The following MYO9B variants were observed in gnomAD, a reference collection of about 807,000 sequenced individuals.
MYO9B encodes unconventional myosin-IXb.
A neutral mutation model predicts 229.5 loss-of-function variants in MYO9B; 71 were observed. The ratio of observed to expected loss-of-function variants is 0.31; its 90% CI spans 0.26 to 0.38. The LOEUF is 0.38. Among genes scored for constraint, MYO9B ranks in the 10% least tolerant of loss-of-function variants. The pLI, the probability that MYO9B is intolerant of heterozygous loss-of-function variation, is 1.00. For synonymous variants in MYO9B, 1,185 were observed against 1,235.8 expected (o/e 0.96, Z 0.86); for missense variants, 2,255 against 2,920.5 (o/e 0.77, Z 5.25).
At chr19:17,198,016 C>A in intron 23 of MYO9B, 158 bp downstream of exon 23, 1 of 1,307,712 alleles carries the variant, frequency 7.6e-7, no homozygotes, top group Non-Finnish European at 1.0e-6. Flanking sequence ...CTCGCGAGAC[C>A]AGGCCACTGC....
rs1322393867 is a variant in MYO9B at position 17,184,948 on chromosome 19, C to G, written c.2457C>G (p.His819Gln). The G allele has an allele frequency of 6.2e-7, 1 of 1,613,956 alleles. No homozygotes were observed. The highest frequency in any genetic ancestry group is 1.7e-5 in the Admixed American group (1 of 60,020). The change falls in exon 17 of 40, where the codon CAC becomes CAG. Residue 819 changes from histidine to glutamine, a missense_variant. By Grantham distance (24) the His-to-Gln change is conservative. This residue lies in a region of MYO9B where 68 missense variants were observed against 133.5 expected (regional missense o/e 0.51). Transcript: ENST00000682292. Reference sequence around the variant, plus strand: ...CCACCAAGTCCCTACTGCACCTGCACAAGAAGAAAAAGCCACCAAGCATCA... The same window carrying G: ...CCACCAAGTCCCTACTGCACCTGCAGAAGAAGAAAAAGCCACCAAGCATCA... ...DRTTKSLLHL[H>Q]KKKKPPSISA... is the part of the protein sequence containing the mutation.
In MYO9B at chr19:17,206,134, C is replaced by T. The variant is rs374561572; in HGVS notation, c.5239C>T (p.Arg1747Trp). The T allele has an allele frequency of 1.7e-5, 28 of 1,606,704 alleles. No homozygotes were observed. Among genetic ancestry groups the T allele is most frequent in the Non-Finnish European group, 2.0e-5 (24 of 1,175,500 alleles). The change falls in exon 32 of 40, where the codon CGG becomes TGG. Residue 1747 changes from arginine (R) to tryptophan (W), a missense_variant. By Grantham distance (101) the Arg-to-Trp change is moderately radical. Around this residue, in one of 7 missense-constraint regions of MYO9B, gnomAD observed 416 missense variants for 605.5 expected, o/e 0.69. Coordinates refer to ENST00000682292, the MANE Select transcript of MYO9B (RefSeq NM_004145.4). Reference protein sequence around the residue: ...SGAANRTRELRQALQTDPAAV... With the variant: ...SGAANRTRELWQALQTDPAAV... ...TGCTGCCAACCGCACTCGGGAGCTC[C>T]GGCAGGCGCTGCAGACAGGTGGGCG...
At chr19:17,092,669 G>A (rs2057648944) in intron 1 of MYO9B, among the ~76,000 whole-genome samples, 1 of 150,082 alleles carries the variant, frequency 6.7e-6, no homozygotes, top group Non-Finnish European at 1.5e-5. Context: ...AGGTTGCAGT[G>A]AGCTGAGATC....
chr19:17,181,193 A>G (rs1167612769), intron 15 of MYO9B, among the ~76,000 whole-genome samples, 153 bp downstream of exon 15: 1 of 152,206 alleles, frequency 6.6e-6, no homozygotes, highest in Admixed American at 6.5e-5. Context: ...ACTAAATGCC[A>G]ATCAATAACA....
intron 3 of MYO9B, among the ~76,000 whole-genome samples, chr19:17,146,144 T>C (rs949674258): frequency 6.7e-6 from 1 of 150,024 alleles, no homozygotes; most frequent in East Asian, 2.0e-4. Flanking sequence ...AATAGATTCA[T>C]GAATGGGTGG....
At chr19:17,128,834 C>G (rs1385401792) in intron 2 of MYO9B, among the ~76,000 whole-genome samples, 2 of 152,252 alleles carry the variant, frequency 1.3e-5, no homozygotes, top group Non-Finnish European at 1.5e-5. Flanking sequence ...CTCCACCTTA[C>G]CCAGCTAGAA....
intron 10 of MYO9B, among the ~76,000 whole-genome samples, chr19:17,164,072 A>G (rs1023943412): frequency 6.6e-6 from 1 of 152,224 alleles, no homozygotes; most frequent in Admixed American, 6.5e-5. Context: ...TTTCCATAAC[A>G]GCTGCAGCAT....
At chr19:17,121,884 G>A (rs926647032) in intron 2 of MYO9B, among the ~76,000 whole-genome samples, 1 of 152,046 alleles carries the variant, frequency 6.6e-6, no homozygotes, top group Non-Finnish European at 1.5e-5. Context: ...TACTCTGGAG[G>A]CTGAGCCAGG....
intron 2 of MYO9B, among the ~76,000 whole-genome samples, chr19:17,144,969 C>CAAAAAAAAAAAAA (rs58527501): frequency 1.2e-5 from 1 of 83,542 alleles, no homozygotes; most frequent in Non-Finnish European, 2.8e-5. Context: ...GACTTCATCT[C>CAAAAAAAAAAAAA]AAAAAAAAAA....
At chr19:17,124,086 A>C (rs1175297735) in intron 2 of MYO9B, among the ~76,000 whole-genome samples, 1 of 151,956 alleles carries the variant, frequency 6.6e-6, no homozygotes, top group Non-Finnish European at 1.5e-5. Context: ...ACGGGGTCTC[A>C]CTATGTTGCC....
chr19:17,181,733 GTTTCTTTC>G (rs527266607), intron 15 of MYO9B, among the ~76,000 whole-genome samples: 5 of 152,134 alleles, frequency 3.3e-5, no homozygotes, highest in Admixed American at 6.6e-5. Context: ...ATGAGAGCCA[GTTTCTTTC>G]TTTCTTTCTT....
At chr19:17,178,289 G>A (rs1036394278) in intron 14 of MYO9B, 108 of 152,308 alleles carry the variant, frequency 7.1e-4, no homozygotes, top group African/African-American at 2.4e-3. Flanking sequence ...GCCACCTGCC[G>A]AGAGCTAAAA....
chr19:17,197,674 G>T (rs2073060926), intron 22 of MYO9B, 118 bp from the exon 23 acceptor site: 3 of 1,160,366 alleles, frequency 2.6e-6, no homozygotes, highest in African/African-American at 3.0e-5. Flanking sequence ...TCTAGACATT[G>T]CCAAGTGTCC....
intron 3 of MYO9B, among the ~76,000 whole-genome samples, chr19:17,151,655 G>T (rs373268185): frequency 8.9e-4 from 136 of 152,292 alleles, no homozygotes; most frequent in African/African-American, 3.2e-3. Context: ...CATGGCTCAC[G>T]CCTGTAATCC....
In MYO9B at chr19:17,210,302, T is replaced by A. The variant is rs1397315447; in HGVS notation, c.5749-31T>A. 1.9e-6 allele frequency: 3 copies of A among 1,571,688 alleles called. No homozygotes were observed. In the Admixed American group the frequency reaches 5.6e-5, roughly 30 times the overall value. On this transcript the variant is annotated intron_variant, in intron 36 of 39. Coordinates refer to ENST00000682292, the MANE Select transcript of MYO9B (RefSeq NM_004145.4). ...TCATGCCTGTGTCTGTCTTGGCCCGTGTGGTCACCCTGTGTTCATCTCTCT... is the reference window on the plus strand; with the variant it reads ...TCATGCCTGTGTCTGTCTTGGCCCGAGTGGTCACCCTGTGTTCATCTCTCT...
intron 1 of MYO9B, among the ~76,000 whole-genome samples, chr19:17,083,474 C>A (rs78091525): frequency 2.5e-4 from 38 of 152,294 alleles, no homozygotes; most frequent in Non-Finnish European, 5.1e-4. Context: ...ATGCCAGTAG[C>A]ACCCCCTGCT....
intron 39 of MYO9B, 49 bp from the exon 40 acceptor site, chr19:17,211,846 G>A (rs759627311): frequency 2.5e-5 from 40 of 1,604,972 alleles, no homozygotes; most frequent in East Asian, 1.8e-4. Flanking sequence ...AGGGTCCTCC[G>A]GCTGCCGGCC....
At chr19:17,186,073 C>A in intron 18 of MYO9B, 72 bp downstream of exon 18, 4 of 1,355,980 alleles carry the variant, frequency 2.9e-6, no homozygotes, top group Non-Finnish European at 3.2e-6. Context: ...GTCCCTGCAT[C>A]CAGCCCCAGC....
rs1475244480 is a variant in MYO9B at position 17,198,291 on chromosome 19, C to T, written c.4221C>T (p.Gly1407=). The change falls in exon 24 of 40, where the codon GGC becomes GGT. Residue 1407 remains glycine (G), a synonymous_variant. Transcript: ENST00000682292. ...TCCCAGACGCAGGGCTGTCCCCGGG[C>T]TCTCAGGTCGACTCTAAGTAAGTAT... ...SSLPDAGLSP[G]SQVDSKSTFK... 6.2e-7 allele frequency: 1 copy of T among 1,613,892 alleles called. No individual in the cohort carries two copies. The highest frequency in any genetic ancestry group is 1.1e-5 in the South Asian group (1 of 91,082).
Sources: allele counts gnomAD v4.1 joint callset (sites outside exome capture counted in the v4.1 genomes callset), GRCh38; gene constraint gnomAD v4.1.1; regional missense constraint gnomAD v4.1.1; transcripts MANE v1.5; gene names NCBI Gene and HGNC (gene_info 2026-07-23, HGNC 2026-07-21).